KCNAB1: variants seen among roughly 807,000 people sequenced by gnomAD.
The protein encoded by KCNAB1 is potassium voltage-gated channel subfamily A regulatory beta subunit 1, also known as voltage-gated potassium channel subunit beta-1.
KCNAB1 carries 35 observed loss-of-function variants against 64.6 expected under a neutral mutation model. That is an observed-to-expected ratio of 0.54 (90% CI 0.41 to 0.72). KCNAB1 has a LOEUF of 0.72. KCNAB1 is among the 30% of genes least tolerant of loss of function. KCNAB1 has a pLI of 0.00. For missense variants in KCNAB1, 401 were observed against 512.9 expected (o/e 0.78, Z 2.11); for synonymous variants, 177 against 183.8 (o/e 0.96, Z 0.30).
chr3:156,341,643 CA>C (rs1724123422), intron 1 of KCNAB1, among the ~76,000 whole-genome samples: 1 of 152,130 alleles, frequency 6.6e-6, no homozygotes, highest in South Asian at 2.1e-4. Flanking sequence ...CCATTAACAT[CA>C]AATTTTTATT....
At chr3:156,190,518 A>G (rs1403299053) in intron 1 of KCNAB1, among the ~76,000 whole-genome samples, 3 of 152,168 alleles carry the variant, frequency 2.0e-5, no homozygotes, top group African/African-American at 7.2e-5. Flanking sequence ...GCTGGTACCT[A>G]TTGAACAATT....
At chr3:156,504,751 G>GTTTTTTTTTTTTTTTTTTTTTTGT (rs71302274) in intron 8 of KCNAB1, among the ~76,000 whole-genome samples, 1 of 132,752 alleles carries the variant, frequency 7.5e-6, no homozygotes, top group Non-Finnish European at 1.6e-5. Flanking sequence ...TGTTTTTTTT[G>GTTTTTTTTTTTTTTTTTTTTTTGT]TTTTTTTTTT....
At chr3:156,416,633 T>C (rs1715098823) in intron 1 of KCNAB1, among the ~76,000 whole-genome samples, 2 of 152,206 alleles carry the variant, frequency 1.3e-5, no homozygotes, top group African/African-American at 4.8e-5. Flanking sequence ...TTAATACCTG[T>C]CTCACCTCCT....
At chr3:156,491,970 A>G (rs2108352532) in intron 8 of KCNAB1, among the ~76,000 whole-genome samples, 1 of 152,258 alleles carries the variant, frequency 6.6e-6, no homozygotes, top group Non-Finnish European at 1.5e-5. Context: ...ATTTAATTAC[A>G]CCATCCTCTT....
At chr3:156,254,837 A>C (rs1007108666) in intron 1 of KCNAB1, among the ~76,000 whole-genome samples, 1 of 152,164 alleles carries the variant, frequency 6.6e-6, no homozygotes, top group African/African-American at 2.4e-5. Context: ...GTAACATCAA[A>C]ATCTCAAAGC....
intron 1 of KCNAB1, among the ~76,000 whole-genome samples, chr3:156,169,348 A>G (rs1372851142): frequency 6.6e-6 from 1 of 152,236 alleles, no homozygotes; most frequent in Non-Finnish European, 1.5e-5. Flanking sequence ...TGGAAACCAT[A>G]TGCAATGTTA....
At chr3:156,379,306 GA>G in intron 1 of KCNAB1, among the ~76,000 whole-genome samples, 1 of 152,346 alleles carries the variant, frequency 6.6e-6, no homozygotes, top group East Asian at 1.9e-4. Flanking sequence ...TGCCCTTGTG[GA>G]GCTTACATTT....
intron 1 of KCNAB1, among the ~76,000 whole-genome samples, chr3:156,337,738 G>A (rs187132990): frequency 8.2e-4 from 125 of 152,284 alleles, no homozygotes; most frequent in African/African-American, 2.3e-3. Context: ...AGTAACCTTA[G>A]GTAAGTTGTG....
At chr3:156,496,631 A>G (rs145460050) in intron 8 of KCNAB1, among the ~76,000 whole-genome samples, 1 of 152,316 alleles carries the variant, frequency 6.6e-6, no homozygotes, top group Non-Finnish European at 1.5e-5. Context: ...TTTTTATGAT[A>G]AACCCAAAAC....
chr3:156,215,661 T>C (rs1340595902), intron 1 of KCNAB1: 1 of 152,198 alleles, frequency 6.6e-6, no homozygotes, highest in East Asian at 1.9e-4. Flanking sequence ...ATGCAGCAGC[T>C]TGACTGAAGA....
At chr3:156,143,233 C>A (rs770224299) in intron 1 of KCNAB1, 1 of 1,613,784 alleles carries the variant, frequency 6.2e-7, no homozygotes, top group Admixed American at 1.7e-5. Context: ...GCTGGGTCTG[C>A]CAAAATCCAG....
intron 1 of KCNAB1, among the ~76,000 whole-genome samples, chr3:156,404,708 G>A (rs1714133390): frequency 6.6e-6 from 1 of 152,222 alleles, no homozygotes; most frequent in Non-Finnish European, 1.5e-5. Flanking sequence ...CCCGGTGCAA[G>A]TGACAGGTGA....
At chr3:156,410,488 ATT>A (rs984373939) in intron 1 of KCNAB1, among the ~76,000 whole-genome samples, 6 of 152,134 alleles carry the variant, frequency 3.9e-5, no homozygotes, top group African/African-American at 1.4e-4. Flanking sequence ...TCTGGTAGAT[ATT>A]TTTAAATTTG....
At chr3:156,467,596 T>TATCC (rs1713514397) in intron 7 of KCNAB1, among the ~76,000 whole-genome samples, 1 of 151,842 alleles carries the variant, frequency 6.6e-6, no homozygotes. Context: ...CTTATCTGTC[T>TATCC]ATCCATCCAT....
chr3:156,175,777 G>A (rs1394451665), intron 1 of KCNAB1: 3 of 578,176 alleles, frequency 5.2e-6, no homozygotes, highest in Admixed American at 4.4e-5. Flanking sequence ...TGAAGGGAGG[G>A]TGCTAGCCTG....
intron 1 of KCNAB1, among the ~76,000 whole-genome samples, chr3:156,250,807 C>T (rs1717788253): frequency 6.6e-6 from 1 of 152,236 alleles, no homozygotes; most frequent in Non-Finnish European, 1.5e-5. Context: ...ATAGTCAGAT[C>T]TCTCTCAATG....
chr3:156,480,540 T>TA (rs112797257), intron 8 of KCNAB1, among the ~76,000 whole-genome samples: 3,571 of 143,688 alleles, frequency 0.025, 45 homozygotes, highest in African/African-American at 0.047. Context: ...GAACTTAAAG[T>TA]AAAAAAAAAA....
intron 2 of KCNAB1, among the ~76,000 whole-genome samples, chr3:156,434,427 G>C (rs1451222643): frequency 1.3e-5 from 2 of 152,206 alleles, no homozygotes; most frequent in East Asian, 3.8e-4. Context: ...CATACGGAAG[G>C]TATATCAGGG....
intron 1 of KCNAB1, among the ~76,000 whole-genome samples, chr3:156,297,259 CTTTTT>C (rs71141704): frequency 4.7e-4 from 45 of 96,466 alleles, no homozygotes; most frequent in Admixed American, 1.1e-3. Flanking sequence ...TTGAGGTTGG[CTTTTT>C]TTTTTTTTTT....
Sources: gnomAD v4.1 joint callset for allele counts (sites outside exome capture counted in the v4.1 genomes callset) on GRCh38, gnomAD v4.1.1 for gene constraint, MANE v1.5 for transcripts, NCBI Gene and HGNC (gene_info 2026-07-23, HGNC 2026-07-21) for gene names.